SLC24A3: variants seen among roughly 807,000 people sequenced by gnomAD.
SLC24A3 encodes the protein sodium/potassium/calcium exchanger 3.
SLC24A3 carries 28 observed loss-of-function variants against 75.8 expected under a neutral mutation model. The ratio of observed to expected loss-of-function variants is 0.37; its 90% confidence interval spans 0.27 to 0.51. The LOEUF (loss-of-function observed/expected upper bound fraction) is 0.51, where lower values mean the gene tolerates loss of function less well. Among genes scored for constraint, SLC24A3 ranks in the 20% least tolerant of loss-of-function variants. The pLI, the probability that SLC24A3 is intolerant of heterozygous loss-of-function variation, is 0.94. For synonymous variants in SLC24A3, 372 were observed against 334.1 expected (o/e 1.11, Z -1.24); for missense variants, 663 against 847.8 (o/e 0.78, Z 2.71).
At chr20:19,241,692 C>T (rs16980240) in intron 1 of SLC24A3, among the ~76,000 whole-genome samples, 19,852 of 151,338 alleles carry the variant, frequency 0.13, 1,311 homozygotes, top group African/African-American at 0.16. Context: ...TGCTTGTGGA[C>T]AGATAACGGT....
At chr20:19,301,873 G>A (rs1984205102) in intron 2 of SLC24A3, among the ~76,000 whole-genome samples, 1 of 152,154 alleles carries the variant, frequency 6.6e-6, no homozygotes, top group African/African-American at 2.4e-5. Context: ...CTCCGCCCAT[G>A]TTTAGCTGTT....
intron 1 of SLC24A3, among the ~76,000 whole-genome samples, chr20:19,244,469 A>G (rs2122169566): frequency 6.6e-6 from 1 of 152,254 alleles, no homozygotes; most frequent in South Asian, 2.1e-4. Flanking sequence ...GGCGAGGTGG[A>G]GGGGAGAATT....
intron 2 of SLC24A3, among the ~76,000 whole-genome samples, chr20:19,410,379 C>T (rs1392342768): frequency 6.6e-6 from 1 of 152,168 alleles, no homozygotes; most frequent in East Asian, 1.9e-4. Flanking sequence ...GAAGCAGCCT[C>T]ATTGTCATGC....
intron 1 of SLC24A3, among the ~76,000 whole-genome samples, chr20:19,228,246 G>T (rs1981921369): frequency 6.6e-6 from 1 of 152,114 alleles, no homozygotes. Context: ...GGAAGACTAT[G>T]TGCTGTCCAT....
intron 6 of SLC24A3, among the ~76,000 whole-genome samples, chr20:19,619,150 G>A (rs1432833929): frequency 6.6e-6 from 1 of 152,188 alleles, no homozygotes; most frequent in Non-Finnish European, 1.5e-5. Context: ...AGCCAGCTCA[G>A]CAATTCCCTT....
intron 16 of SLC24A3, among the ~76,000 whole-genome samples, chr20:19,720,412 C>T (rs553292053): frequency 6.6e-5 from 10 of 152,202 alleles, no homozygotes; most frequent in South Asian, 2.1e-4. Context: ...AGGCAGTGGC[C>T]GGGGTTACAT....
intron 2 of SLC24A3, among the ~76,000 whole-genome samples, chr20:19,438,693 A>G (rs1252551241): frequency 6.6e-6 from 1 of 152,096 alleles, no homozygotes; most frequent in Non-Finnish European, 1.5e-5. Flanking sequence ...GCATCCCCAC[A>G]GGGTAGGTAG....
At chr20:19,664,387 T>A (rs1244508195) in intron 7 of SLC24A3, among the ~76,000 whole-genome samples, 1 of 152,220 alleles carries the variant, frequency 6.6e-6, no homozygotes, top group African/African-American at 2.4e-5. Flanking sequence ...CAATGTCAAC[T>A]TGTTGAATCT....
intron 2 of SLC24A3, among the ~76,000 whole-genome samples, chr20:19,485,711 G>A (rs1397193380): frequency 6.6e-6 from 1 of 152,130 alleles, no homozygotes; most frequent in Non-Finnish European, 1.5e-5. Context: ...TCCTTGAAGG[G>A]CCTCTGATCC....
chr20:19,654,189 G>A lies in SLC24A3; in HGVS notation c.687+53G>A, dbSNP rs903975305. ...CATCAGTGCTCTTTTAAGCACCAGG[G>A]GTGGTGTGAGGCTCCTCCACATGGA... On this transcript the variant is annotated intron_variant, in intron 7 of 16. Coordinates refer to ENST00000328041, the MANE Select transcript of SLC24A3 (RefSeq NM_020689.4). 3.9e-6 allele frequency: 6 copies of A among 1,539,274 alleles called. No individual in the cohort carries two copies. In the African/African-American group the frequency reaches 8.2e-5, roughly 21 times the overall value.
At chr20:19,236,158 T>A (rs1982161389) in intron 1 of SLC24A3, among the ~76,000 whole-genome samples, 1 of 152,188 alleles carries the variant, frequency 6.6e-6, no homozygotes, top group South Asian at 2.1e-4. Context: ...AACATATGGG[T>A]CTAAATAGCA....
intron 1 of SLC24A3, among the ~76,000 whole-genome samples, chr20:19,215,350 G>GA (rs1301720561): frequency 6.6e-6 from 1 of 152,052 alleles, no homozygotes; most frequent in African/African-American, 2.4e-5. Context: ...AAGAGTAGAG[G>GA]AAAAAACCAA....
chr20:19,221,886 G>A (rs1007894304), intron 1 of SLC24A3, among the ~76,000 whole-genome samples: 2 of 152,094 alleles, frequency 1.3e-5, no homozygotes, highest in Admixed American at 1.3e-4. Context: ...TCTTAAACTG[G>A]AAGCTTGTCT....
At position 19,673,610 on chromosome 20, in the gene SLC24A3, T is replaced by C; in HGVS notation, c.723T>C (p.Ser241=). ...CTTGGTTTACACACAGGTGGGAGTC[T>C]TTAGTCCTTGTGCTGATGTATCTTA... ...IYDEKVSWWE[S]LVLVLMYLIY... is the part of the protein sequence containing the mutation. The change falls in exon 9 of 17, where the codon TCT becomes TCC. Residue 241 remains serine, a synonymous_variant. Coordinates refer to ENST00000328041, the MANE Select transcript of SLC24A3 (RefSeq NM_020689.4). 1 of 1,614,094 alleles carries C rather than the reference T, an allele frequency of 6.2e-7. No individual in the cohort carries two copies. Among genetic ancestry groups the C allele is most frequent in the Non-Finnish European group, 8.5e-7 (1 of 1,179,920 alleles).
chr20:19,707,931 C>T (rs1032530393), intron 15 of SLC24A3, among the ~76,000 whole-genome samples: 4 of 152,060 alleles, frequency 2.6e-5, no homozygotes, highest in Non-Finnish European at 4.4e-5. Flanking sequence ...GATATGAATT[C>T]GGGAGTCAAG....
intron 8 of SLC24A3, among the ~76,000 whole-genome samples, chr20:19,667,754 T>C (rs1432645108): frequency 6.6e-6 from 1 of 152,216 alleles, no homozygotes; most frequent in African/African-American, 2.4e-5. Flanking sequence ...TCACTCCGTA[T>C]CCTCAAAACA....
chr20:19,260,797 T>C lies in SLC24A3; in HGVS notation c.143-20162T>C, dbSNP rs149143450. Reference sequence around the variant, plus strand: ...TGTAGGCATCATTCTCAGTATGAGATGTGGTTACTGGAGCTCTGCCTTCCC... The same window carrying C: ...TGTAGGCATCATTCTCAGTATGAGACGTGGTTACTGGAGCTCTGCCTTCCC... On this transcript the variant is annotated intron_variant, in intron 1 of 16. Coordinates refer to ENST00000328041, the MANE Select transcript of SLC24A3 (RefSeq NM_020689.4). 3.4e-3 allele frequency among the ~76,000 whole-genome samples: 513 copies of C among 152,330 alleles called. 3 individuals are homozygous for C. Among genetic ancestry groups the C allele is most frequent in the African/African-American group, 0.012 (480 of 41,582 alleles).
At chr20:19,271,408 C>A (rs1474761741) in intron 1 of SLC24A3, among the ~76,000 whole-genome samples, 2 of 151,962 alleles carry the variant, frequency 1.3e-5, no homozygotes. Context: ...ACTAGTACAA[C>A]CACTGTGGAA....
At chr20:19,720,412 C>A (rs553292053) in intron 16 of SLC24A3, among the ~76,000 whole-genome samples, 1 of 152,084 alleles carries the variant, frequency 6.6e-6, no homozygotes, top group Non-Finnish European at 1.5e-5. Flanking sequence ...AGGCAGTGGC[C>A]GGGGTTACAT....
Sources: allele counts gnomAD v4.1 joint callset (sites outside exome capture counted in the v4.1 genomes callset), GRCh38; gene constraint gnomAD v4.1.1; transcripts MANE v1.5; gene names NCBI Gene and HGNC (gene_info 2026-07-23, HGNC 2026-07-21).